Variants in NPHP4 observed in about 807,000 individuals in gnomAD.
The protein encoded by NPHP4 is nephrocystin 4.
In NPHP4, 151 loss-of-function variants were observed where a neutral mutation model predicts 155.8. That is an observed-to-expected ratio of 0.97 (90% CI 0.85 to 1.11). The LOEUF (loss-of-function observed/expected upper bound fraction) is 1.11, where lower values mean the gene tolerates loss of function less well. Ranked by LOEUF, NPHP4 falls within the 50% of genes least tolerant of loss-of-function variation. NPHP4 has a pLI of 0.00. For synonymous variants in NPHP4, 845 were observed against 816.8 expected (o/e 1.03, Z -0.59); for missense variants, 1,956 against 1,925.7 (o/e 1.02, Z -0.29).
intron 22 of NPHP4, 53 bp from the exon 23 acceptor site, chr1:5,873,388 C>T: frequency 6.9e-7 from 1 of 1,446,320 alleles, no homozygotes; most frequent in Non-Finnish European, 9.7e-7. Flanking sequence ...ATTAGGCGAC[C>T]AGCACCTGTG....
intron 22 of NPHP4, 75 bp from the exon 23 acceptor site, chr1:5,873,410 C>T: frequency 8.5e-7 from 1 of 1,179,796 alleles, no homozygotes; most frequent in South Asian, 1.2e-5. Context: ...TTAGAGACAC[C>T]ACTGCCACCC....
chr1:5,953,628 C>T (rs1469956586), intron 6 of NPHP4, among the ~76,000 whole-genome samples: 1 of 152,212 alleles, frequency 6.6e-6, no homozygotes, highest in Non-Finnish European at 1.5e-5. Context: ...ACAGCCTGAA[C>T]GGCACCACGA....
rs762674764 is a variant in NPHP4 at position 5,915,202 on chromosome 1, A to AGGCCTTG, written c.1442-5996_1442-5990dup. Reference sequence around the variant, plus strand: ...AGCTGGTGGAAGGCAGGGACGGGCCAGGCCTTGGGCCTTGGGCCTTGGGCC... The same window carrying AGGCCTTG: ...AGCTGGTGGAAGGCAGGGACGGGCCAGGCCTTGGGCCTTGGGCCTTGGGCCTTGGGCC... On this transcript the variant is annotated intron_variant, in intron 11 of 29. Transcript: ENST00000378156. Among the ~76,000 whole-genome samples, 332 of 152,072 alleles carry AGGCCTTG rather than the reference A, an allele frequency of 2.2e-3. 2 individuals are homozygous for AGGCCTTG. Among genetic ancestry groups the AGGCCTTG allele is most frequent in the Non-Finnish European group, 3.6e-3 (244 of 67,966 alleles).
rs1409622762 is a variant in NPHP4, at chr1:5,890,103, C to T, written c.2304+765G>A. Among the ~76,000 whole-genome samples, 1 of 152,084 alleles carries T rather than the reference C, an allele frequency of 6.6e-6. No homozygotes were observed. The highest frequency in any genetic ancestry group is 1.9e-4 in the East Asian group (1 of 5,178). On this transcript the variant is annotated intron_variant, in intron 17 of 29. Coordinates refer to ENST00000378156, the MANE Select transcript of NPHP4 (RefSeq NM_015102.5). The surrounding 1 kb of genome is among the most constrained non-coding windows in gnomAD (Gnocchi z 4.9). ...GCAGCTGCTGGAGAGGACAGGAAGC[C>T]CCGGGGGTTCAGCCGTGTCAGGAAT...
At chr1:5,988,879 G>A (rs1375249681) in intron 1 of NPHP4, among the ~76,000 whole-genome samples, 6 of 150,500 alleles carry the variant, frequency 4.0e-5, no homozygotes, top group Admixed American at 3.9e-4. Flanking sequence ...CACAGTGCAC[G>A]CAGATGCTGC....
At chr1:5,888,495 C>T (rs1193607042) in intron 17 of NPHP4, 7 of 1,260,016 alleles carry the variant, frequency 5.6e-6, no homozygotes, top group African/African-American at 4.7e-5. Flanking sequence ...GGCTTCCGGT[C>T]GCCGCAGACC....
intron 9 of NPHP4, among the ~76,000 whole-genome samples, chr1:5,934,954 T>C (rs1646461231): frequency 6.6e-6 from 1 of 152,136 alleles, no homozygotes; most frequent in East Asian, 1.9e-4. Context: ...GCCACACCAG[T>C]GTCACTGCCC....
chr1:5,874,756 G>T, intron 21 of NPHP4, 99 bp from the exon 22 acceptor site: 1 of 1,519,302 alleles, frequency 6.6e-7, no homozygotes, highest in Non-Finnish European at 9.0e-7. Context: ...AGAGGAGTGG[G>T]AGAGAGAAGT....
intron 20 of NPHP4, 109 bp downstream of exon 20, chr1:5,876,984 A>G: frequency 2.6e-6 from 2 of 757,938 alleles, no homozygotes; most frequent in Non-Finnish European, 1.9e-6. Flanking sequence ...TGTCCCCAGG[A>G]TTTGGGAGGA....
intron 3 of NPHP4, among the ~76,000 whole-genome samples, chr1:5,972,874 GT>G (rs998950361): frequency 1.3e-5 from 2 of 150,786 alleles, no homozygotes; most frequent in Non-Finnish European, 3.0e-5. Flanking sequence ...AATTTGTAGG[GT>G]TTTTTTTTGT....
chr1:5,952,828 G>T lies in NPHP4; in HGVS notation c.682C>A (p.Leu228Ile). ...LPAHGESGDA[L>I]RKPRLQKPIT... ...GGCTTCTGGAGGCGAGGCTTTCGGA[G>T]AGCGTCGCCTGAAACAGTGAGGGTG... Residue 228 changes from leucine to isoleucine, a missense_variant, in exon 7 of 30, where the codon CTC (leucine) becomes ATC (isoleucine). Leu to Ile is a conservative substitution (Grantham distance 5, BLOSUM62 2). Transcript: ENST00000378156. 6.2e-7 allele frequency: 1 copy of T among 1,600,706 alleles called. No individual in the cohort carries two copies. Among genetic ancestry groups the T allele is most frequent in the Non-Finnish European group, 8.5e-7 (1 of 1,173,848 alleles).
In NPHP4 at chr1:5,960,049, C is replaced by T. The variant is rs116567631; in HGVS notation, c.673+1745G>A. On this transcript the variant is annotated intron_variant, in intron 6 of 29. Coordinates refer to ENST00000378156, the MANE Select transcript of NPHP4 (RefSeq NM_015102.5). Reference sequence around the variant, plus strand: ...AGGGGCCAGAAGGACAAGCCACGGACCAGGTCTCAGAGCCAGACACAGGTT... The same window carrying T: ...AGGGGCCAGAAGGACAAGCCACGGATCAGGTCTCAGAGCCAGACACAGGTT... 7.0e-3 allele frequency among the ~76,000 whole-genome samples: 1,074 copies of T among 152,360 alleles called. 8 individuals carry two copies. Among genetic ancestry groups the T allele is most frequent in the African/African-American group, 0.024 (1,008 of 41,578 alleles).
At chr1:5,924,148 C>T (rs1275880050) in intron 11 of NPHP4, among the ~76,000 whole-genome samples, 2 of 152,028 alleles carry the variant, frequency 1.3e-5, no homozygotes, top group African/African-American at 2.4e-5. Context: ...AAGAAAAGAA[C>T]TTGAAGTGAA....
At chr1:5,901,027 C>A (rs987535980) in intron 16 of NPHP4, among the ~76,000 whole-genome samples, 1 of 151,816 alleles carries the variant, frequency 6.6e-6, no homozygotes, top group Non-Finnish European at 1.5e-5. Context: ...AGAGTAAGAT[C>A]CTGTCTCAAA....
At chr1:5,870,235 CA>C (rs1641857736) in intron 23 of NPHP4, among the ~76,000 whole-genome samples, 1 of 152,180 alleles carries the variant, frequency 6.6e-6, no homozygotes, top group Non-Finnish European at 1.5e-5. Context: ...CAAAGGAGGA[CA>C]GGGGTGAATC....
At chr1:5,956,838 G>C (rs1277082333) in intron 6 of NPHP4, among the ~76,000 whole-genome samples, 1 of 152,262 alleles carries the variant, frequency 6.6e-6, no homozygotes, top group East Asian at 1.9e-4. Context: ...ACATCTTTAT[G>C]AGCAGGCCCT....
intron 10 of NPHP4, among the ~76,000 whole-genome samples, chr1:5,930,378 A>C (rs1646213411): frequency 6.6e-6 from 1 of 152,224 alleles, no homozygotes; most frequent in Admixed American, 6.5e-5. Context: ...TTCTGAAGAC[A>C]AAGATCAGAT....
At chr1:5,984,177 T>C (rs779339555) in intron 2 of NPHP4, among the ~76,000 whole-genome samples, 1 of 152,128 alleles carries the variant, frequency 6.6e-6, no homozygotes, top group Non-Finnish European at 1.5e-5. Context: ...TTAAGAACAA[T>C]AAAATTTTCT....
At chr1:5,916,319 C>T (rs1222633008) in intron 11 of NPHP4, among the ~76,000 whole-genome samples, 2 of 152,082 alleles carry the variant, frequency 1.3e-5, no homozygotes, top group Admixed American at 1.3e-4. Flanking sequence ...ATTAAGATCT[C>T]CAAAGGAACC....
Sources: gnomAD v4.1 joint callset for allele counts (sites outside exome capture counted in the v4.1 genomes callset) on GRCh38, gnomAD v4.1.1 for gene constraint, Gnocchi (gnomAD v3.1) non-coding constraint, MANE v1.5 for transcripts, NCBI Gene and HGNC (gene_info 2026-07-23, HGNC 2026-07-21) for gene names.